The following BMPER variants were observed in gnomAD, a reference collection of about 807,000 sequenced individuals.
BMPER encodes the protein BMP-binding endothelial regulator protein.
Under a neutral mutation model 87.3 loss-of-function variants are expected in BMPER, and 45 were observed. That is an observed-to-expected ratio of 0.52 (90% CI 0.41 to 0.66). The LOEUF is 0.66. BMPER is among the 30% of genes least tolerant of loss of function. The probability of loss-of-function intolerance (pLI) is 0.00; values close to 1 mark genes in which losing one functional copy is unlikely to be tolerated. For synonymous variants in BMPER, 326 were observed against 316.2 expected (o/e 1.03, Z -0.33); for missense variants, 784 against 867.5 (o/e 0.90, Z 1.21).
At chr7:34,095,519 C>T (rs747022932) in intron 13 of BMPER, among the ~76,000 whole-genome samples, 3 of 152,154 alleles carry the variant, frequency 2.0e-5, no homozygotes, top group Non-Finnish European at 2.9e-5. Context: ...TCCCTTTGCC[C>T]TATTGCCTTC....
At chr7:33,946,726 G>C (rs563297960) in intron 3 of BMPER, among the ~76,000 whole-genome samples, 1 of 152,208 alleles carries the variant, frequency 6.6e-6, no homozygotes, top group African/African-American at 2.4e-5. Flanking sequence ...CTCCGAAAAA[G>C]ATGCTGATAT....
chr7:34,124,449 GT>G (rs34998655), intron 13 of BMPER, among the ~76,000 whole-genome samples: 1,775 of 146,804 alleles, frequency 0.012, 31 homozygotes, highest in African/African-American at 0.038. Flanking sequence ...GCATTGTAAA[GT>G]TTTTTTTTTT....
At chr7:33,975,684 C>A (rs746518304) in intron 6 of BMPER, among the ~76,000 whole-genome samples, 6 of 152,144 alleles carry the variant, frequency 3.9e-5, no homozygotes, top group Non-Finnish European at 2.9e-5. Flanking sequence ...AAAGAACATA[C>A]ATTTTCCAAG....
intron 6 of BMPER, among the ~76,000 whole-genome samples, chr7:33,994,594 G>C (rs937742053): frequency 6.6e-6 from 1 of 152,152 alleles, no homozygotes; most frequent in Non-Finnish European, 1.5e-5. Flanking sequence ...CGTCACTCAC[G>C]CTGGGAGCTG....
intron 13 of BMPER, among the ~76,000 whole-genome samples, chr7:34,102,253 G>A (rs956417577): frequency 4.6e-5 from 7 of 152,130 alleles, no homozygotes; most frequent in Non-Finnish European, 1.0e-4. Context: ...AGACAACAGA[G>A]CAAGTCTTTT....
At chr7:34,042,623 G>A (rs1312749597) in intron 6 of BMPER, 2 of 152,152 alleles carry the variant, frequency 1.3e-5, no homozygotes, top group African/African-American at 4.8e-5. Context: ...CCAGAACTAT[G>A]CCTGGACTTA....
At chr7:34,112,851 CAT>C (rs1790017106) in intron 13 of BMPER, among the ~76,000 whole-genome samples, 1 of 151,836 alleles carries the variant, frequency 6.6e-6, no homozygotes, top group South Asian at 2.1e-4. Context: ...ATAGATACAA[CAT>C]AGTTTATCTA....
intron 6 of BMPER, among the ~76,000 whole-genome samples, chr7:33,996,986 T>C (rs894426151): frequency 2.6e-5 from 4 of 152,308 alleles, no homozygotes; most frequent in Non-Finnish European, 4.4e-5. Flanking sequence ...TATTGGACAG[T>C]GCAAGTGTAA....
At chr7:34,010,797 C>T (rs1303451806) in intron 6 of BMPER, among the ~76,000 whole-genome samples, 1 of 151,838 alleles carries the variant, frequency 6.6e-6, no homozygotes, top group African/African-American at 2.4e-5. Context: ...AACTTTTGCT[C>T]CAGAAATAAT....
At chr7:34,010,242 A>G (rs1226162110) in intron 6 of BMPER, among the ~76,000 whole-genome samples, 1 of 151,846 alleles carries the variant, frequency 6.6e-6, no homozygotes, top group African/African-American at 2.4e-5. Context: ...GGTCACCCTA[A>G]TGACTTACTC....
rs929012554 is a variant in BMPER, at chr7:34,156,382, C to A, written c.*3109C>A. Among the ~76,000 whole-genome samples the A allele has an allele frequency of 2.6e-5, 4 of 152,184 alleles. No homozygotes were observed. The highest frequency in any genetic ancestry group is 4.8e-5 in the African/African-American group (2 of 41,448). On this transcript the variant is annotated 3_prime_UTR_variant, in exon 15 of 15. Coordinates refer to ENST00000649409, the MANE Select transcript of BMPER (RefSeq NM_001365308.1). ...CCTGGTAAGTAGTCAATAAATTTTT[C>A]TTGAATCAATAAATAAAACCTAATA...
At chr7:34,131,722 C>T (rs889557069) in intron 13 of BMPER, among the ~76,000 whole-genome samples, 15 of 152,180 alleles carry the variant, frequency 9.9e-5, no homozygotes, top group Non-Finnish European at 4.4e-5. Context: ...CCATGGCCAA[C>T]ACAGGCAAAC....
intron 13 of BMPER, among the ~76,000 whole-genome samples, chr7:34,091,200 T>C (rs1445276287): frequency 6.6e-6 from 1 of 152,218 alleles, no homozygotes; most frequent in African/African-American, 2.4e-5. Flanking sequence ...ACTGATCACT[T>C]ATTATAAAGC....
intron 3 of BMPER, among the ~76,000 whole-genome samples, chr7:33,945,050 T>G (rs1784854707): frequency 6.6e-6 from 1 of 151,926 alleles, no homozygotes; most frequent in Non-Finnish European, 1.5e-5. Context: ...CACACCATTC[T>G]CCTGCCTCAG....
chr7:34,118,129 A>G (rs778155723), intron 13 of BMPER, among the ~76,000 whole-genome samples: 97 of 151,922 alleles, frequency 6.4e-4, no homozygotes, highest in Non-Finnish European at 1.2e-3. Context: ...ACATGGTGAA[A>G]CCCCGTCTCT....
At chr7:34,013,444 C>T (rs1272600833) in intron 6 of BMPER, among the ~76,000 whole-genome samples, 1 of 151,612 alleles carries the variant, frequency 6.6e-6, no homozygotes. Context: ...CTTCTCTGTA[C>T]TATAATTTAT....
At chr7:33,928,726 A>T (rs749490981) in intron 2 of BMPER, among the ~76,000 whole-genome samples, 12 of 148,896 alleles carry the variant, frequency 8.1e-5, no homozygotes, top group Non-Finnish European at 1.6e-4. Context: ...AAAGCCCATT[A>T]AAAAAAAATG....
intron 11 of BMPER, among the ~76,000 whole-genome samples, chr7:34,069,806 A>G (rs1288443374): frequency 6.6e-6 from 1 of 152,168 alleles, no homozygotes; most frequent in Non-Finnish European, 1.5e-5. Flanking sequence ...AGGTTACAAT[A>G]CTTCAGTTGT....
At chr7:34,117,993 G>A (rs911698406) in intron 13 of BMPER, among the ~76,000 whole-genome samples, 13 of 151,924 alleles carry the variant, frequency 8.6e-5, no homozygotes, top group African/African-American at 2.4e-4. Flanking sequence ...TTACTTAACC[G>A]AGCTTTGAAT....
Sources: gnomAD v4.1 joint callset for allele counts (sites outside exome capture counted in the v4.1 genomes callset) on GRCh38, gnomAD v4.1.1 for gene constraint, MANE v1.5 for transcripts, NCBI Gene and HGNC (gene_info 2026-07-23, HGNC 2026-07-21) for gene names.